FBRSL1: variants seen among roughly 807,000 people sequenced by gnomAD.
FBRSL1 encodes the protein fibrosin-1-like protein.
Under a neutral mutation model 89.6 loss-of-function variants are expected in FBRSL1, and 51 were observed. That is an observed-to-expected ratio of 0.57 (90% CI 0.45 to 0.72). The LOEUF (loss-of-function observed/expected upper bound fraction) is 0.72. Ranked by LOEUF, FBRSL1 falls within the 30% of genes least tolerant of loss-of-function variation. The probability of loss-of-function intolerance (pLI) is 0.00; values close to 1 mark genes in which losing one functional copy is unlikely to be tolerated. For synonymous variants in FBRSL1, 779 were observed against 681.1 expected, an observed-to-expected ratio of 1.14 and a Z score of -2.24; for missense variants, 1,618 against 1,451.8, an observed-to-expected ratio of 1.11 and a Z score of -1.86.
At chr12:132,532,831 A>T (rs1234999049) in intron 4 of FBRSL1, among the ~76,000 whole-genome samples, 1 of 152,188 alleles carries the variant, frequency 6.6e-6, no homozygotes, top group Non-Finnish European at 1.5e-5. Context: ...GCTTGGGGGC[A>T]TGCCTGGGAC....
intron 4 of FBRSL1, among the ~76,000 whole-genome samples, chr12:132,528,585 C>T (rs1186261032): frequency 4.9e-5 from 7 of 142,040 alleles, no homozygotes; most frequent in South Asian, 2.3e-4. Context: ...GTGTGTTTCC[C>T]GGGGGGAGCG....
rs146002957 is a variant in FBRSL1, at chr12:132,578,015, A to G, written c.1834+1084A>G. On this transcript the variant is annotated intron_variant, in intron 15 of 18. Transcript: ENST00000680143. ...CCACACAGAGGCTGGGACACTCCCCACCACACAGTTGAAAATCCAGGTATA... is the reference window on the plus strand; with the variant it reads ...CCACACAGAGGCTGGGACACTCCCCGCCACACAGTTGAAAATCCAGGTATA... Among the ~76,000 whole-genome samples, 551 of 152,324 alleles carry G rather than the reference A, an allele frequency of 3.6e-3. 3 individuals are homozygous for G. Among genetic ancestry groups the G allele is most frequent in the African/African-American group, 0.012 (515 of 41,554 alleles).
chr12:132,504,605 A>C (rs900253611), intron 1 of FBRSL1, among the ~76,000 whole-genome samples: 1 of 151,944 alleles, frequency 6.6e-6, no homozygotes, highest in African/African-American at 2.4e-5. Context: ...TGCACTGCAC[A>C]CCTGTGGGGG....
intron 5 of FBRSL1, among the ~76,000 whole-genome samples, chr12:132,558,637 T>C (rs1219579968): frequency 1.3e-5 from 2 of 152,222 alleles, no homozygotes; most frequent in East Asian, 3.9e-4. Context: ...TTCTATACCG[T>C]TGGAGGCATC....
intron 2 of FBRSL1, chr12:132,511,239 AG>A: frequency 1.2e-5 from 12 of 985,470 alleles, no homozygotes; most frequent in Non-Finnish European, 1.4e-5. Context: ...CATGCACTGA[AG>A]GGTTGCCTGC....
intron 4 of FBRSL1, among the ~76,000 whole-genome samples, chr12:132,547,342 C>G (rs1275146458): frequency 1.3e-5 from 2 of 152,120 alleles, no homozygotes; most frequent in Non-Finnish European, 2.9e-5. Context: ...GCTCTGCCTA[C>G]TGAAAACGGA....
intron 2 of FBRSL1, chr12:132,510,676 A>C: frequency 8.1e-7 from 1 of 1,227,844 alleles, no homozygotes; most frequent in African/African-American, 1.6e-5. Context: ...TCACCACACC[A>C]GGAAGAGAGA....
In FBRSL1 at chr12:132,581,529, G is replaced by C; in HGVS notation, c.1912+13G>C. On this transcript the variant is annotated intron_variant, in intron 16 of 18. Coordinates refer to ENST00000680143, the MANE Select transcript of FBRSL1 (RefSeq NM_001367871.1). ...GGCCCCCTGACAGGTGGGTGTCTCT[G>C]AATTCAGCCCACGCAGCCTGGCTGG... 1.9e-6 allele frequency: 3 copies of C among 1,550,634 alleles called. No homozygotes were observed. Among genetic ancestry groups the C allele is most frequent in the Non-Finnish European group, 2.6e-6 (3 of 1,146,666 alleles).
At chr12:132,531,080 G>A (rs2036237880) in intron 4 of FBRSL1, among the ~76,000 whole-genome samples, 1 of 152,014 alleles carries the variant, frequency 6.6e-6, no homozygotes, top group African/African-American at 2.4e-5. Flanking sequence ...GGCCTCCTTG[G>A]AAGTGCTCTT....
At chr12:132,500,507 G>A (rs759559171) in intron 1 of FBRSL1, among the ~76,000 whole-genome samples, 9 of 152,122 alleles carry the variant, frequency 5.9e-5, no homozygotes, top group Admixed American at 3.9e-4. Flanking sequence ...AGGGCCAGCC[G>A]GTCCTGCTGT....
chr12:132,577,159 C>T (rs551481896), intron 15 of FBRSL1, among the ~76,000 whole-genome samples: 12 of 152,198 alleles, frequency 7.9e-5, no homozygotes, highest in African/African-American at 2.9e-4. Context: ...CCACCAGCCT[C>T]CCCAGGGTGG....
chr12:132,583,158 C>G lies in FBRSL1; in HGVS notation c.2389C>G (p.Pro797Ala). ...GGCCAAGGAGGAGGCCGCCAAGATG[C>G]CCGCGCGCGCATCCCCGCCCCACAG... ...SPAKEEAAKMPARASPPHSKA... is the reference protein window; with the variant it reads ...SPAKEEAAKMAARASPPHSKA... The change falls in exon 19 of 19, where the codon CCC becomes GCC. Residue 797 changes from proline (P) to alanine (A), a missense_variant. By Grantham distance (27) the Pro-to-Ala change is conservative (BLOSUM62 -1). Transcript: ENST00000680143. 1 of 1,462,258 alleles carries G rather than the reference C, an allele frequency of 6.8e-7. No homozygotes were observed. The highest frequency in any genetic ancestry group is 9.0e-7 in the Non-Finnish European group (1 of 1,111,202). The allele number at this position is 1,462,258 out of a possible 1,614,324, so 90.6% of individuals were successfully genotyped here. A position where few individuals can be genotyped will look rare whatever the true frequency, so the allele number is the denominator to read the frequency against.
intron 5 of FBRSL1, among the ~76,000 whole-genome samples, chr12:132,561,993 G>A (rs897075869): frequency 3.9e-5 from 6 of 152,130 alleles, no homozygotes; most frequent in Non-Finnish European, 7.4e-5. Context: ...AGGCCTTTCT[G>A]GGGAGCCGCA....
At chr12:132,492,671 A>G (rs974913434) in intron 1 of FBRSL1, among the ~76,000 whole-genome samples, 14 of 152,346 alleles carry the variant, frequency 9.2e-5, no homozygotes, top group Non-Finnish European at 5.9e-5. Flanking sequence ...GCCTGCAGGC[A>G]GTGGGTTCAG....
In FBRSL1 at chr12:132,508,285, C is replaced by T; in HGVS notation, c.424C>T (p.Pro142Ser). 6.5e-7 allele frequency: 1 copy of T among 1,550,254 alleles called. No individual in the cohort carries two copies. Among genetic ancestry groups the T allele is most frequent in the Non-Finnish European group, 8.7e-7 (1 of 1,146,802 alleles). The change falls in exon 2 of 19, where the codon CCC becomes TCC. Residue 142 changes from proline (P) to serine (S), a missense_variant. Pro to Ser is a moderately conservative substitution (Grantham distance 74, BLOSUM62 -1). Coordinates refer to ENST00000680143, the MANE Select transcript of FBRSL1 (RefSeq NM_001367871.1). ...ENRRPLEAGS[P>S]GQDLEPACDG... ...CAGGCGGCCCCTGGAGGCAGGCAGCCCCGGGCAGGACCTCGAACCCGCCTG... is the reference window on the plus strand; with the variant it reads ...CAGGCGGCCCCTGGAGGCAGGCAGCTCCGGGCAGGACCTCGAACCCGCCTG...
intron 15 of FBRSL1, among the ~76,000 whole-genome samples, chr12:132,578,367 A>ACACACACACACACACACACACACAC (rs1566244737): frequency 1.2e-4 from 18 of 151,870 alleles, no homozygotes; most frequent in South Asian, 2.1e-4. Context: ...ACACACACAC[A>ACACACACACACACACACACACACAC]AAATCATAGA....
At chr12:132,516,411 C>T (rs371816772) in intron 2 of FBRSL1, among the ~76,000 whole-genome samples, 74 of 152,196 alleles carry the variant, frequency 4.9e-4, no homozygotes, top group African/African-American at 1.8e-3. Flanking sequence ...TCTTGAACTC[C>T]TGACCTCAGG....
At chr12:132,560,688 GC>G (rs1457211185) in intron 5 of FBRSL1, among the ~76,000 whole-genome samples, 20 of 152,282 alleles carry the variant, frequency 1.3e-4, no homozygotes, top group African/African-American at 4.8e-4. Flanking sequence ...ACCTCCGCCC[GC>G]CGCCGGGATT....
In FBRSL1 at chr12:132,570,529, G is replaced by A; in HGVS notation, c.1202G>A (p.Gly401Glu). 3.3e-6 allele frequency: 5 copies of A among 1,514,596 alleles called. No individual in the cohort carries two copies. The highest frequency in any genetic ancestry group is 4.4e-6 in the Non-Finnish European group (5 of 1,135,010). 93.8% of individuals were successfully genotyped at this position (1,514,596 alleles called of 1,614,324 possible). Residue 401 changes from glycine (G) to glutamate (E), a missense_variant, in exon 8 of 19, where the codon GGA (glycine) becomes GAA (glutamate). Physicochemically the swap from Gly to Glu is moderately conservative, Grantham distance 98 (BLOSUM62 -2). Transcript: ENST00000680143. The part of the protein sequence containing the change: ...ALPASSLVLP[G>E]HPADASLAVS... ...CCGGCCAGCAGCCTGGTCCTCCCAG[G>A]ACACCCGGCCGGTAGGTGTCTCGGC...
Sources: gnomAD v4.1 joint callset for allele counts (sites outside exome capture counted in the v4.1 genomes callset) on GRCh38, gnomAD v4.1.1 for gene constraint, MANE v1.5 for transcripts, NCBI Gene and HGNC (gene_info 2026-07-23, HGNC 2026-07-21) for gene names.